ZFHX3: variants seen among roughly 807,000 people sequenced by gnomAD.
ZFHX3 encodes the protein zinc finger homeobox protein 3.
ZFHX3 carries 42 observed loss-of-function variants against 279.1 expected under a neutral mutation model. The ratio of observed to expected loss-of-function variants is 0.15; its 90% CI spans 0.12 to 0.19. ZFHX3 has a LOEUF of 0.19. Among genes scored for constraint, ZFHX3 ranks in the 10% least tolerant of loss-of-function variants. The pLI is 1.00. For missense variants in ZFHX3, 4,981 were observed against 4,754.0 expected (o/e 1.05, Z -1.40); for synonymous variants, 2,293 against 1,957.8 (o/e 1.17, Z -4.52).
intron 4 of ZFHX3, among the ~76,000 whole-genome samples, chr16:73,279,500 A>G (rs75908028): frequency 6.6e-6 from 1 of 152,296 alleles, no homozygotes; most frequent in African/African-American, 2.4e-5. Flanking sequence ...AGACAAAGGT[A>G]ATGAGGAACC....
chr16:73,562,630 C>A (rs926919351), intron 2 of ZFHX3, among the ~76,000 whole-genome samples: 1 of 147,558 alleles, frequency 6.8e-6, no homozygotes, highest in African/African-American at 2.5e-5. Context: ...CTGTGAAAAG[C>A]CTCTCTTCAT....
intron 2 of ZFHX3, among the ~76,000 whole-genome samples, chr16:73,501,249 A>G (rs2019234233): frequency 6.6e-6 from 1 of 152,156 alleles, no homozygotes; most frequent in Non-Finnish European, 1.5e-5. Flanking sequence ...GTGTAAATAC[A>G]CTCTACGATC....
intron 2 of ZFHX3, among the ~76,000 whole-genome samples, chr16:73,639,898 C>A (rs530166500): frequency 6.6e-6 from 1 of 152,216 alleles, no homozygotes; most frequent in East Asian, 1.9e-4. Context: ...CTTAGCAGAG[C>A]ACAGGAAACT....
chr16:73,101,486 C>T (rs944361577), intron 7 of ZFHX3, among the ~76,000 whole-genome samples: 1 of 152,178 alleles, frequency 6.6e-6, no homozygotes, highest in Non-Finnish European at 1.5e-5. Flanking sequence ...TCGAGCAATT[C>T]TCCTGCCTCA....
chr16:73,258,587 A>G (rs781613035), intron 4 of ZFHX3, among the ~76,000 whole-genome samples: 19 of 152,084 alleles, frequency 1.2e-4, no homozygotes, highest in Non-Finnish European at 2.5e-4. Context: ...TGACCTCGTG[A>G]TCCGCCCACC....
intron 1 of ZFHX3, among the ~76,000 whole-genome samples, chr16:73,027,658 C>A: frequency 6.6e-6 from 1 of 152,230 alleles, no homozygotes; most frequent in South Asian, 2.1e-4. Context: ...CTCTATCCTC[C>A]CCACTGCCCC....
At position 72,788,688 on chromosome 16, in the gene ZFHX3, G is replaced by A. The variant is rs568112869; in HGVS notation, c.9588C>T (p.Pro3196=). 1.2e-6 allele frequency: 2 copies of A among 1,611,242 alleles called. No homozygotes were observed. Among genetic ancestry groups the A allele is most frequent in the African/African-American group, 2.7e-5 (2 of 74,638 alleles). ...ATMAMGPQQP[P]QQQQQQQQPQ... is the part of the protein sequence containing the mutation. ...GTTGCTGCTGCTGCTGCTGCTGCTGGGGGGGTTGCTGAGGGCCCATCGCCA... is the reference window on the plus strand; with the variant it reads ...GTTGCTGCTGCTGCTGCTGCTGCTGAGGGGGTTGCTGAGGGCCCATCGCCA... Residue 3196 remains proline, a synonymous_variant, in exon 10 of 10, where the codon CCC becomes CCT. Transcript: ENST00000268489.
intron 3 of ZFHX3, among the ~76,000 whole-genome samples, chr16:73,331,898 G>A (rs185739861): frequency 1.1e-3 from 170 of 152,226 alleles, no homozygotes; most frequent in African/African-American, 4.0e-3. Context: ...TCTAAAAGAG[G>A]ACAGCTAGCA....
intron 2 of ZFHX3, among the ~76,000 whole-genome samples, chr16:73,513,566 C>T (rs759398925): frequency 8.6e-5 from 13 of 152,020 alleles, no homozygotes; most frequent in Non-Finnish European, 1.6e-4. Context: ...CAAGGGCAGC[C>T]CACAAGATAA....
chr16:72,796,554 G>A lies in ZFHX3; in HGVS notation c.6128C>T (p.Pro2043Leu). ...RPQTPEPPPP[P>L]PPPPPPPLPA... is the part of the protein sequence containing the mutation. ...AAGTGGGGGTGGAGGGGGTGGAGGG[G>A]GAGGTGGTGGTGGCTCTGGGGTCTG... The change falls in exon 9 of 10, where the codon CCC becomes CTC. Residue 2043 changes from proline to leucine, a missense_variant. Physicochemically the swap from Pro to Leu is moderately conservative, Grantham distance 98 (BLOSUM62 -3). This residue lies in a region of ZFHX3 where 1,751 missense variants were observed against 1,770.0 expected (regional missense o/e 0.99). Transcript: ENST00000268489. 2 of 1,609,070 alleles carry A rather than the reference G, an allele frequency of 1.2e-6. No individual in the cohort carries two copies. Among genetic ancestry groups the A allele is most frequent in the Non-Finnish European group, 1.7e-6 (2 of 1,177,952 alleles).
chr16:73,270,415 CTTTA>C, intron 4 of ZFHX3, among the ~76,000 whole-genome samples: 1 of 152,152 alleles, frequency 6.6e-6, no homozygotes, highest in Non-Finnish European at 1.5e-5. Context: ...ACAGGAACTG[CTTTA>C]TTTAACTTTT....
intron 1 of ZFHX3, among the ~76,000 whole-genome samples, chr16:72,995,398 T>C (rs1464971025): frequency 6.6e-6 from 1 of 152,142 alleles, no homozygotes; most frequent in African/African-American, 2.4e-5. Context: ...ACGGACTTAA[T>C]GAGCTCTTGG....
intron 2 of ZFHX3, among the ~76,000 whole-genome samples, chr16:73,535,211 C>T (rs1025892482): frequency 6.6e-6 from 1 of 152,106 alleles, no homozygotes; most frequent in Non-Finnish European, 1.5e-5. Context: ...ATGCAATAGG[C>T]ATATATAACT....
At chr16:73,889,465 G>C (rs1365640675) in intron 1 of ZFHX3, among the ~76,000 whole-genome samples, 2 of 152,214 alleles carry the variant, frequency 1.3e-5, no homozygotes, top group Non-Finnish European at 2.9e-5. Context: ...ATCTCCCAGA[G>C]AATGAACTTG....
At chr16:73,307,127 T>C (rs2015200206) in intron 4 of ZFHX3, among the ~76,000 whole-genome samples, 1 of 152,186 alleles carries the variant, frequency 6.6e-6, no homozygotes, top group Non-Finnish European at 1.5e-5. Flanking sequence ...GTGCAGAAGC[T>C]TTTCATACAT....
rs752093609 is a variant in ZFHX3 at position 72,797,296 on chromosome 16, G to A, written c.5386C>T (p.Leu1796Phe). Reference protein sequence around the residue: ...TLLQLQQQQHLLFPFYIPSAE... With the variant: ...TLLQLQQQQHFLFPFYIPSAE... ...CTGGGGATGTAGAAAGGGAAGAGGA[G>A]GTGCTGCTGCTGCTGTAGTTGCAGC... The change falls in exon 9 of 10, where the codon CTC becomes TTC. Residue 1796 changes from leucine to phenylalanine, a missense_variant. Leu to Phe is a conservative substitution (Grantham distance 22). Around this residue, in one of 7 missense-constraint regions of ZFHX3, gnomAD observed 1,751 missense variants for 1,770.0 expected, o/e 0.99. Coordinates refer to ENST00000268489, the MANE Select transcript of ZFHX3 (RefSeq NM_006885.4). 2 of 1,608,190 alleles carry A rather than the reference G, an allele frequency of 1.2e-6. No individual in the cohort carries two copies. The highest frequency in any genetic ancestry group is 1.7e-6 in the Non-Finnish European group (2 of 1,176,510).
At chr16:73,342,306 G>A (rs755211226) in intron 3 of ZFHX3, among the ~76,000 whole-genome samples, 7 of 152,106 alleles carry the variant, frequency 4.6e-5, no homozygotes, top group Admixed American at 2.0e-4. Flanking sequence ...GGAATGTCAC[G>A]TTTAGGAATT....
chr16:73,123,206 TA>T (rs34803776), intron 7 of ZFHX3: 25,165 of 135,672 alleles, frequency 0.19, 2,340 homozygotes, highest in South Asian at 0.27. Context: ...TGTGGTAGAT[TA>T]AAAAAAAAAA....
intron 1 of ZFHX3, among the ~76,000 whole-genome samples, chr16:73,846,727 A>G (rs1247476219): frequency 6.6e-6 from 1 of 152,154 alleles, no homozygotes; most frequent in African/African-American, 2.4e-5. Flanking sequence ...TCTCATTCTC[A>G]GAGGCAAATC....
Sources: allele counts gnomAD v4.1 joint callset (sites outside exome capture counted in the v4.1 genomes callset), GRCh38; gene constraint gnomAD v4.1.1; regional missense constraint gnomAD v4.1.1; transcripts MANE v1.5; gene names NCBI Gene and HGNC (gene_info 2026-07-23, HGNC 2026-07-21).